The following NREP variants were observed in gnomAD, a reference collection of about 807,000 sequenced individuals.
The protein encoded by NREP is neuronal regeneration-related protein.
In NREP, 5 loss-of-function variants were observed where a neutral mutation model predicts 8.6. That is an observed-to-expected ratio of 0.58 (90% confidence interval 0.30 to 1.22). The LOEUF (loss-of-function observed/expected upper bound fraction) is 1.22, where lower values mean the gene tolerates loss of function less well. NREP is among the 50% of genes most tolerant of loss of function. The probability of loss-of-function intolerance (pLI) is 0.07; values close to 1 mark genes in which losing one functional copy is unlikely to be tolerated. For synonymous variants in NREP, 27 were observed against 28.0 expected (o/e 0.96, Z 0.11); for missense variants, 86 against 82.5 (o/e 1.04, Z -0.17).
At chr5:111,861,189 T>C (rs907997636) in intron 2 of NREP, among the ~76,000 whole-genome samples, 1 of 152,154 alleles carries the variant, frequency 6.6e-6, no homozygotes, top group Non-Finnish European at 1.5e-5. Flanking sequence ...GGAAGTTTCC[T>C]AGAGCACCTG....
chr5:111,863,817 T>A (rs1165389285), intron 2 of NREP, among the ~76,000 whole-genome samples: 1 of 152,168 alleles, frequency 6.6e-6, no homozygotes, highest in Non-Finnish European at 1.5e-5. Flanking sequence ...GGCTTTTGGC[T>A]AGAAACTCAA....
intron 2 of NREP, among the ~76,000 whole-genome samples, chr5:111,838,995 G>A (rs1050822205): frequency 4.6e-5 from 7 of 151,902 alleles, no homozygotes; most frequent in Non-Finnish European, 8.8e-5. Flanking sequence ...GAAAATGTCC[G>A]TATTTTTAAA....
At chr5:111,958,162 CA>C (rs1561368537) in intron 2 of NREP, among the ~76,000 whole-genome samples, 2 of 151,510 alleles carry the variant, frequency 1.3e-5, no homozygotes, top group Admixed American at 1.3e-4. Context: ...CACTTTAACT[CA>C]AAAAAGAGTA....
chr5:111,902,963 G>T (rs933801899), intron 2 of NREP, among the ~76,000 whole-genome samples: 6 of 152,004 alleles, frequency 3.9e-5, no homozygotes, highest in African/African-American at 1.4e-4. Context: ...GTTCTTCAGG[G>T]ATAGACTACA....
chr5:111,860,787 C>T (rs1753527607), intron 2 of NREP, among the ~76,000 whole-genome samples: 1 of 152,262 alleles, frequency 6.6e-6, no homozygotes, highest in South Asian at 2.1e-4. Context: ...TTTATATATT[C>T]AGAAGCCATT....
intron 2 of NREP, among the ~76,000 whole-genome samples, chr5:111,819,504 G>A (rs1483945628): frequency 3.9e-5 from 6 of 152,076 alleles, no homozygotes; most frequent in East Asian, 1.9e-4. Flanking sequence ...ATTAATGTTC[G>A]AGCACTATTT....
rs536516506 is a variant in NREP at position 111,879,728 on chromosome 5, G to C, written c.135+95546C>G. Among the ~76,000 whole-genome samples the C allele has an allele frequency of 5.9e-5, 9 of 152,328 alleles. No homozygotes were observed. In the South Asian group the frequency reaches 1.2e-3, roughly 21 times the overall value. ...ACAGCTCTGGAGGCTAGAAATCCTAGATTAAGGGGCCAGCATAGTTGAGCT... is the reference window on the plus strand; with the variant it reads ...ACAGCTCTGGAGGCTAGAAATCCTACATTAAGGGGCCAGCATAGTTGAGCT... On this transcript the variant is annotated intron_variant, in intron 2 of 3. Transcript: ENST00000395634.
At chr5:111,835,391 G>A (rs895023300) in intron 2 of NREP, among the ~76,000 whole-genome samples, 9 of 152,020 alleles carry the variant, frequency 5.9e-5, no homozygotes, top group Admixed American at 6.6e-5. Context: ...CAAGGATCTC[G>A]CAATCGCCTG....
chr5:111,871,848 A>G (rs549946764), intron 2 of NREP, among the ~76,000 whole-genome samples: 1 of 146,856 alleles, frequency 6.8e-6, no homozygotes, highest in South Asian at 2.1e-4. Context: ...AGTACAGACT[A>G]TATATATATA....
Position 111,864,129 on chromosome 5 carries a change from C to T in NREP, c.135+111145G>A, listed in dbSNP as rs575715215. 2.2e-3 allele frequency among the ~76,000 whole-genome samples: 336 copies of T among 152,166 alleles called. 3 individuals are homozygous for T. Among genetic ancestry groups the T allele is most frequent in the African/African-American group, 7.6e-3 (316 of 41,540 alleles). On this transcript the variant is annotated intron_variant, in intron 2 of 3. Coordinates refer to the NREP transcript ENST00000395634. ...ATGGCATCTCTAATCTACCAAAGACCGCAATACTTGACATGTTCAATCCTA... is the reference window on the plus strand; with the variant it reads ...ATGGCATCTCTAATCTACCAAAGACTGCAATACTTGACATGTTCAATCCTA...
chr5:111,756,060 T>G, intron 1 of NREP: 5 of 1,215,796 alleles, frequency 4.1e-6, no homozygotes, highest in Non-Finnish European at 5.2e-6. Flanking sequence ...TCCTGGGCTA[T>G]TCTTAGTGTT....
intron 2 of NREP, among the ~76,000 whole-genome samples, chr5:111,768,334 T>C (rs747101260): frequency 2.6e-5 from 4 of 152,168 alleles, no homozygotes; most frequent in Non-Finnish European, 4.4e-5. Flanking sequence ...CTTGCTTTTG[T>C]TGTTTGGCTT....
chr5:111,876,983 C>T (rs1383558238), intron 2 of NREP, among the ~76,000 whole-genome samples: 1 of 152,062 alleles, frequency 6.6e-6, no homozygotes, highest in Non-Finnish European at 1.5e-5. Flanking sequence ...TGCTAAGTTG[C>T]TTCTCATTCT....
intron 2 of NREP, among the ~76,000 whole-genome samples, chr5:111,837,054 C>A (rs1057319516): frequency 1.3e-5 from 2 of 151,986 alleles, no homozygotes; most frequent in African/African-American, 4.8e-5. Flanking sequence ...TTTTGATGGG[C>A]AAGATTTAGT....
chr5:111,752,405 A>G (rs934115913), intron 2 of NREP, among the ~76,000 whole-genome samples: 5 of 152,178 alleles, frequency 3.3e-5, no homozygotes, highest in East Asian at 1.9e-4. Context: ...AGTACCATAT[A>G]AAATTATTCT....
intron 2 of NREP, among the ~76,000 whole-genome samples, chr5:111,882,971 T>C (rs1242251557): frequency 1.3e-5 from 2 of 152,112 alleles, no homozygotes; most frequent in African/African-American, 2.4e-5. Flanking sequence ...AATTCACACA[T>C]AACAATATTA....
At chr5:111,765,336 C>G (rs1751055895) in intron 2 of NREP, among the ~76,000 whole-genome samples, 1 of 152,144 alleles carries the variant, frequency 6.6e-6, no homozygotes. Flanking sequence ...TGGCCTGGTT[C>G]CTAATAAGCC....
Position 111,921,042 on chromosome 5 carries a change from G to T in NREP, c.135+54232C>A, listed in dbSNP as rs79853557. On this transcript the variant is annotated intron_variant, in intron 2 of 3. Transcript: ENST00000395634. Reference sequence around the variant, plus strand: ...GGTTGCTCTTTGCTGAAAGAGAAATGACCTCTTGGGCTGCTTTTTGTCAGA... The same window carrying T: ...GGTTGCTCTTTGCTGAAAGAGAAATTACCTCTTGGGCTGCTTTTTGTCAGA... 5.4e-4 allele frequency among the ~76,000 whole-genome samples: 82 copies of T among 152,268 alleles called. No homozygotes were observed. The East Asian group carries it at 7.0e-3, about 13-fold the overall frequency.
At chr5:111,771,048 T>C (rs1474274586) in intron 2 of NREP, among the ~76,000 whole-genome samples, 3 of 152,216 alleles carry the variant, frequency 2.0e-5, no homozygotes, top group African/African-American at 7.2e-5. Context: ...AAACTTATTC[T>C]TGTCTCATGA....
Sources: allele counts gnomAD v4.1 joint callset (sites outside exome capture counted in the v4.1 genomes callset), GRCh38; gene constraint gnomAD v4.1.1; transcripts MANE v1.5; gene names NCBI Gene and HGNC (gene_info 2026-07-23, HGNC 2026-07-21).